Variants in EIF3L observed in about 807,000 individuals in gnomAD.
EIF3L encodes eIEF associated protein HSPC021.
EIF3L carries 32 observed loss-of-function variants against 74.6 expected under a neutral mutation model. The ratio of observed to expected loss-of-function variants is 0.43; its 90% confidence interval spans 0.32 to 0.58. The LOEUF is 0.58. EIF3L is among the 20% of genes least tolerant of loss of function. The probability of loss-of-function intolerance (pLI) is 0.06; values close to 1 mark genes in which losing one functional copy is unlikely to be tolerated. For missense variants in EIF3L, 474 were observed against 707.8 expected (o/e 0.67, Z 3.75); for synonymous variants, 256 against 254.4 (o/e 1.01, Z -0.06).
At position 37,859,699 on chromosome 22, in the gene EIF3L, C is replaced by A. The variant is rs1299830230; in HGVS notation, c.435+959C>A. ...GCCCGGCCTAGAGTGCCTAAAGTTT[C>A]TTAAAATGCCATCTGTACTATTTAA... On this transcript the variant is annotated intron_variant, in intron 5 of 12. Transcript: ENST00000652021. 2.7e-5 allele frequency among the ~76,000 whole-genome samples: 4 copies of A among 150,576 alleles called. No individual in the cohort carries two copies. In the East Asian group the frequency reaches 8.2e-4, roughly 31 times the overall value.
chr22:37,862,665 C>G (rs963081524), intron 5 of EIF3L, among the ~76,000 whole-genome samples: 1 of 152,160 alleles, frequency 6.6e-6, no homozygotes. Flanking sequence ...TTAACTTCTT[C>G]GCCTTTGCTA....
intron 8 of EIF3L, among the ~76,000 whole-genome samples, chr22:37,871,737 T>C (rs967560761): frequency 1.3e-5 from 2 of 151,726 alleles, no homozygotes; most frequent in Non-Finnish European, 2.9e-5. Flanking sequence ...GGCCTGGTGG[T>C]GGGCACCTGT....
intron 11 of EIF3L, chr22:37,884,568 TACAA>T (rs1400957383): frequency 6.6e-6 from 1 of 152,216 alleles, no homozygotes; most frequent in East Asian, 1.9e-4. Flanking sequence ...GCTAGCCCGA[TACAA>T]ACAGATTTGC....
intron 8 of EIF3L, among the ~76,000 whole-genome samples, chr22:37,873,837 A>G (rs1243177603): frequency 6.6e-6 from 1 of 152,212 alleles, no homozygotes; most frequent in Non-Finnish European, 1.5e-5. Flanking sequence ...TGCTGGGATT[A>G]GAGGTCTAAG....
intron 10 of EIF3L, chr22:37,877,206 G>A (rs1247634098): frequency 6.1e-6 from 1 of 163,842 alleles, no homozygotes; most frequent in African/African-American, 2.4e-5. Context: ...GTAACACAAA[G>A]GTATTTGTGT....
intron 4 of EIF3L, among the ~76,000 whole-genome samples, chr22:37,858,217 T>TC (rs1021266209): frequency 1.7e-5 from 2 of 119,260 alleles, no homozygotes; most frequent in African/African-American, 3.2e-5. Flanking sequence ...TTTTCTTTCT[T>TC]CCTTTTTTTT....
chr22:37,859,072 C>T (rs1174197677), intron 5 of EIF3L, among the ~76,000 whole-genome samples: 1 of 151,528 alleles, frequency 6.6e-6, no homozygotes, highest in East Asian at 1.9e-4. Flanking sequence ...TTCTTTTTCC[C>T]TTCAGAGCAT....
intron 4 of EIF3L, among the ~76,000 whole-genome samples, chr22:37,856,661 G>A (rs1363668100): frequency 2.0e-5 from 3 of 151,914 alleles, no homozygotes; most frequent in East Asian, 2.0e-4. Flanking sequence ...CCTGATTAAC[G>A]TGGAGAAACC....
In EIF3L at chr22:37,849,468, G is replaced by T. The variant is rs1314308236; in HGVS notation, c.19G>T (p.Asp7Tyr). The T allele has an allele frequency of 6.2e-7, 1 of 1,611,422 alleles. No homozygotes were observed. Among genetic ancestry groups the T allele is most frequent in the African/African-American group, 1.3e-5 (1 of 74,856 alleles). Residue 7 changes from aspartate to tyrosine, a missense_variant, in exon 1 of 13, where the codon GAT becomes TAT. Around this residue, in one of 4 missense-constraint regions of EIF3L, gnomAD observed 39 missense variants for 24.2 expected, o/e 1.61. Coordinates refer to ENST00000652021, the MANE Select transcript of EIF3L (RefSeq NM_016091.4). ...GGCAGCCATGTCTTATCCCGCTGAT[G>T]ATTATGAGTCTGAGGTAAGGTGGCC... is the stretch of plus-strand genomic sequence containing the variant. Reference protein sequence around the residue: MSYPADDYESEAAYDPY... With the variant: MSYPADYYESEAAYDPY...
At chr22:37,862,948 T>TA in intron 5 of EIF3L, 21 bp from the exon 6 acceptor site, 1 of 1,572,590 alleles carries the variant, frequency 6.4e-7, no homozygotes, top group Non-Finnish European at 8.7e-7. Flanking sequence ...TGTATCTTGA[T>TA]ATCTCTTGTT....
In EIF3L at chr22:37,878,164, T is replaced by C. The variant is rs764111523; in HGVS notation, c.1568T>C (p.Ile523Thr). The C allele has an allele frequency of 2.9e-5, 46 of 1,606,562 alleles. 2 individuals are homozygous for C. In the Middle Eastern group the frequency reaches 6.6e-4, roughly 23 times the overall value. ...TCAGCCTCAGAGGTTGACTTCTACA[T>C]TGATAAGGTATGCCTGTCCCCTGGG... is the stretch of plus-strand genomic sequence containing the variant. ...FQSASEVDFY[I>T]DKDMIHIADT... Residue 523 changes from isoleucine (I) to threonine (T), a missense_variant, in exon 11 of 13, where the codon ATT becomes ACT. Ile to Thr is a moderately conservative substitution (Grantham distance 89). Transcript: ENST00000652021.
In EIF3L at chr22:37,859,374, C is replaced by CTTTTT. The variant is rs34020382; in HGVS notation, c.435+651_435+655dup. ...CTAAATTATAGAGTACGTGAAGTTTCTTTTTTTTTTTTTTTTTTTTTGAGA... is the reference window on the plus strand; with the variant it reads ...CTAAATTATAGAGTACGTGAAGTTTCTTTTTTTTTTTTTTTTTTTTTTTTTTGAGA... On this transcript the variant is annotated intron_variant, in intron 5 of 12. Transcript: ENST00000652021. 2.6e-3 allele frequency among the ~76,000 whole-genome samples: 202 copies of CTTTTT among 79,132 alleles called. 34 individuals carry two copies. Among genetic ancestry groups the CTTTTT allele is most frequent in the African/African-American group, 0.01 (178 of 17,616 alleles). 51.9% of individuals were successfully genotyped at this position (79,132 alleles called of 152,430 possible). A position where few individuals can be genotyped will look rare whatever the true frequency, so the allele number is the denominator to read the frequency against.
intron 8 of EIF3L, among the ~76,000 whole-genome samples, chr22:37,872,511 C>G (rs2145828448): frequency 6.6e-6 from 1 of 152,260 alleles, no homozygotes; most frequent in South Asian, 2.1e-4. Context: ...TTTAAAAAGT[C>G]AGATTTGTTA....
chr22:37,865,564 G>T (rs1926105345), intron 7 of EIF3L, among the ~76,000 whole-genome samples: 1 of 152,142 alleles, frequency 6.6e-6, no homozygotes, highest in Non-Finnish European at 1.5e-5. Context: ...GGATAAATTG[G>T]TATCTTAATA....
intron 7 of EIF3L, among the ~76,000 whole-genome samples, chr22:37,869,635 T>C (rs1034538351): frequency 1.3e-5 from 2 of 152,180 alleles, no homozygotes; most frequent in Non-Finnish European, 2.9e-5. Context: ...CTGTGGCATA[T>C]CTTCTCTGTG....
At chr22:37,868,218 G>A (rs891998729) in intron 7 of EIF3L, among the ~76,000 whole-genome samples, 21 of 145,530 alleles carry the variant, frequency 1.4e-4, no homozygotes, top group South Asian at 2.2e-4. Context: ...GTGTTCAAGC[G>A]ATTTTCCTGC....
chr22:37,853,350 A>C (rs1219741465), intron 3 of EIF3L, among the ~76,000 whole-genome samples: 1 of 152,270 alleles, frequency 6.6e-6, no homozygotes, highest in Non-Finnish European at 1.5e-5. Context: ...GCTTTAGAAC[A>C]GGAATGAAAG....
chr22:37,877,467 A>C (rs1926811686), intron 10 of EIF3L: 1 of 581,140 alleles, frequency 1.7e-6, no homozygotes, highest in Non-Finnish European at 3.0e-6. Flanking sequence ...GGAATCCAGA[A>C]GATGGCTAAG....
At chr22:37,867,694 C>T (rs1457777601) in intron 7 of EIF3L, among the ~76,000 whole-genome samples, 2 of 150,786 alleles carry the variant, frequency 1.3e-5, no homozygotes, top group Non-Finnish European at 2.9e-5. Context: ...GTGGTTCACA[C>T]CTGTAATCCC....
Sources: allele counts gnomAD v4.1 joint callset (sites outside exome capture counted in the v4.1 genomes callset), GRCh38; gene constraint gnomAD v4.1.1; regional missense constraint gnomAD v4.1.1; transcripts MANE v1.5; gene names NCBI Gene and HGNC (gene_info 2026-07-23, HGNC 2026-07-21).